The following SPAM1 variants were observed in gnomAD, a reference collection of about 807,000 sequenced individuals.
SPAM1 encodes the protein sperm adhesion molecule 1, also known as hyaluronidase PH-20.
Under a neutral mutation model 29.6 loss-of-function variants are expected in SPAM1, and 22 were observed. That is an observed-to-expected ratio of 0.74 (90% CI 0.53 to 1.06). The LOEUF is 1.06. SPAM1 is among the 50% of genes least tolerant of loss of function. The probability of loss-of-function intolerance (pLI) is 0.00; values close to 1 mark genes in which losing one functional copy is unlikely to be tolerated. For missense variants in SPAM1, 534 were observed against 604.0 expected (o/e 0.88, Z 1.21); for synonymous variants, 194 against 204.6 (o/e 0.95, Z 0.44).
intron 1 of SPAM1, among the ~76,000 whole-genome samples, chr7:123,942,299 T>C (rs766133621): frequency 6.6e-6 from 1 of 152,208 alleles, no homozygotes; most frequent in Non-Finnish European, 1.5e-5. Flanking sequence ...ATAATAAAAA[T>C]TGAAAAATAT....
downstream of SPAM1, among the ~76,000 whole-genome samples, chr7:123,960,623 A>C (rs938837215): frequency 1.3e-5 from 2 of 151,880 alleles, no homozygotes; most frequent in African/African-American, 2.4e-5. Flanking sequence ...GTTGTACCTA[A>C]ATTCCTTACC....
downstream of SPAM1, chr7:123,960,094 A>G (rs868824524): frequency 1.3e-5 from 18 of 1,350,426 alleles, no homozygotes; most frequent in African/African-American, 1.8e-4. Context: ...CTGAATAACT[A>G]TACCTAGGAA....
intron 1 of SPAM1, among the ~76,000 whole-genome samples, chr7:123,944,220 GT>G (rs1480077169): frequency 2.9e-4 from 44 of 151,974 alleles, no homozygotes; most frequent in Non-Finnish European, 5.3e-4. Flanking sequence ...CATGAACACA[GT>G]TTATTTTGAT....
intron 5 of SPAM1, among the ~76,000 whole-genome samples, chr7:123,966,438 A>G (rs990353125): frequency 6.6e-6 from 1 of 152,128 alleles, no homozygotes. Flanking sequence ...CCAAAGGAAT[A>G]TAAATCATTC....
intron 1 of SPAM1, among the ~76,000 whole-genome samples, chr7:123,932,786 A>G (rs1808127308): frequency 3.3e-5 from 5 of 152,204 alleles, no homozygotes. Flanking sequence ...ACCAGATGCT[A>G]CAGGCAGAGA....
At chr7:123,970,255 T>C (rs1481593564) in exon 6 of SPAM1, 6 of 1,548,490 alleles carry the variant, frequency 3.9e-6, no homozygotes, top group East Asian at 4.9e-5. Flanking sequence ...CTGAGAGTCA[T>C]GAGGGAAAAA....
Position 123,960,026 on chromosome 7 carries a change from T to G in SPAM1, c.*57T>G. 2.6e-6 allele frequency: 4 copies of G among 1,515,228 alleles called. No homozygotes were observed. The highest frequency in any genetic ancestry group is 3.5e-6 in the Non-Finnish European group (4 of 1,140,626). The allele number at this position is 1,515,228 out of a possible 1,614,324, so 93.9% of individuals were successfully genotyped here. On this transcript the variant is annotated 3_prime_UTR_variant, in exon 5 of 5. Coordinates refer to ENST00000682466, the MANE Select transcript of SPAM1 (RefSeq NM_153189.3). ...CCATCTTAAAGTGTGCTTTTTCGAC[T>G]AATTAAATCTTTGAAAAGAACAGCT...
At chr7:123,931,647 A>G (rs1367298646) in intron 1 of SPAM1, among the ~76,000 whole-genome samples, 4 of 152,168 alleles carry the variant, frequency 2.6e-5, no homozygotes, top group Non-Finnish European at 5.9e-5. Flanking sequence ...GCTCCTGTAT[A>G]TACACATTGA....
chr7:123,960,825 G>C (rs1412991898), downstream of SPAM1, among the ~76,000 whole-genome samples: 1 of 151,676 alleles, frequency 6.6e-6, no homozygotes, highest in African/African-American at 2.4e-5. Flanking sequence ...TGTTTTACTT[G>C]TTACAGATCT....
chr7:123,961,652 A>G (rs1792360547), downstream of SPAM1, among the ~76,000 whole-genome samples: 1 of 151,954 alleles, frequency 6.6e-6, no homozygotes, highest in Non-Finnish European at 1.5e-5. Flanking sequence ...TCTCTTTGAT[A>G]TATACTGATT....
At chr7:123,939,237 C>T (rs1163317459) in intron 1 of SPAM1, among the ~76,000 whole-genome samples, 1 of 152,074 alleles carries the variant, frequency 6.6e-6, no homozygotes, top group South Asian at 2.1e-4. Context: ...AGGCGCCCGC[C>T]ATCATGCCCG....
In SPAM1 at chr7:123,960,004, T is replaced by C; in HGVS notation, c.*35T>C. ...TTAGCTGAAATGAACAATATGTCCA[T>C]CTTAAAGTGTGCTTTTTCGACTAAT... On this transcript the variant is annotated 3_prime_UTR_variant, in exon 5 of 5. Transcript: ENST00000682466. The C allele has an allele frequency of 1.9e-6, 3 of 1,542,672 alleles. No individual in the cohort carries two copies. Among genetic ancestry groups the C allele is most frequent in the East Asian group, 2.3e-5 (1 of 44,350 alleles).
chr7:123,951,445 G>A (rs976396180), intron 2 of SPAM1, among the ~76,000 whole-genome samples: 3 of 151,992 alleles, frequency 2.0e-5, no homozygotes, highest in Admixed American at 1.3e-4. Context: ...CTAACTTCTA[G>A]GTCTAATCCT....
intron 1 of SPAM1, among the ~76,000 whole-genome samples, chr7:123,944,166 C>G (rs1272536804): frequency 1.3e-5 from 2 of 151,946 alleles, no homozygotes; most frequent in Non-Finnish European, 2.9e-5. Context: ...TGCTATAGTC[C>G]CTGGGCCTTG....
At chr7:123,936,133 T>C (rs1041491088) in intron 1 of SPAM1, among the ~76,000 whole-genome samples, 4 of 152,236 alleles carry the variant, frequency 2.6e-5, no homozygotes, top group Admixed American at 6.5e-5. Flanking sequence ...AACAAGTTCA[T>C]ATGCCTGCTG....
intron 1 of SPAM1, among the ~76,000 whole-genome samples, chr7:123,936,736 G>A (rs1014361286): frequency 6.6e-6 from 1 of 152,174 alleles, no homozygotes; most frequent in African/African-American, 2.4e-5. Context: ...ATAGATTTTA[G>A]CTAGAGATGG....
chr7:123,939,960 C>T (rs527706101), intron 1 of SPAM1, among the ~76,000 whole-genome samples: 1 of 152,310 alleles, frequency 6.6e-6, no homozygotes, highest in South Asian at 2.1e-4. Flanking sequence ...CCCCACCCTG[C>T]CGTTGGCTAC....
intron 1 of SPAM1, among the ~76,000 whole-genome samples, chr7:123,938,424 A>C (rs745731123): frequency 5.9e-5 from 9 of 152,228 alleles, no homozygotes; most frequent in Non-Finnish European, 1.0e-4. Context: ...GAGGCTTGAT[A>C]TCTCTATAGG....
At chr7:123,934,842 A>AG (rs1431883374) in intron 1 of SPAM1, among the ~76,000 whole-genome samples, 1 of 152,064 alleles carries the variant, frequency 6.6e-6, no homozygotes, top group Non-Finnish European at 1.5e-5. Flanking sequence ...AAGAGGAGGG[A>AG]GGGGGAATAG....
Sources: gnomAD v4.1 joint callset for allele counts (sites outside exome capture counted in the v4.1 genomes callset) on GRCh38, gnomAD v4.1.1 for gene constraint, MANE v1.5 for transcripts, NCBI Gene and HGNC (gene_info 2026-07-23, HGNC 2026-07-21) for gene names.